Variants in MAP1LC3A observed in about 807,000 individuals in gnomAD.
MAP1LC3A encodes the protein microtubule associated protein 1 light chain 3 alpha, also known as microtubule-associated protein 1 light chain 3 alpha.
A neutral mutation model predicts 15.2 loss-of-function variants in MAP1LC3A; 10 were observed. That is an observed-to-expected ratio of 0.66 (90% CI 0.41 to 1.12). MAP1LC3A has a LOEUF of 1.12. Ranked by LOEUF, MAP1LC3A falls within the 50% of genes most tolerant of loss-of-function variation. The pLI is 0.00. For synonymous variants in MAP1LC3A, 63 were observed against 64.3 expected, an observed-to-expected ratio of 0.98 and a Z score of 0.10; for missense variants, 138 against 167.3, an observed-to-expected ratio of 0.82 and a Z score of 0.97.
chr20:34,551,932 A>T (rs1272211402), intron 2 of MAP1LC3A, among the ~76,000 whole-genome samples: 1 of 152,256 alleles, frequency 6.6e-6, no homozygotes, highest in African/African-American at 2.4e-5. Context: ...AAGTGAACAG[A>T]TGTCTGCAAC....
chr20:34,547,178 T>C (rs896953859), intron 1 of MAP1LC3A, among the ~76,000 whole-genome samples: 1 of 152,046 alleles, frequency 6.6e-6, no homozygotes, highest in East Asian at 1.9e-4. Flanking sequence ...GCGGGGAGTT[T>C]GACGGGTTCG....
rs1485117637 is a variant in MAP1LC3A at position 34,559,753 on chromosome 20, A to G, written c.221A>G (p.Asn74Ser). 3.1e-6 allele frequency: 5 copies of G among 1,609,000 alleles called. No homozygotes were observed. Among genetic ancestry groups the G allele is most frequent in the Non-Finnish European group, 3.4e-6 (4 of 1,178,770 alleles). The change falls in exon 4 of 4, where the codon AAC becomes AGC. Residue 74 changes from asparagine to serine, a missense_variant. Physicochemically the swap from Asn to Ser is conservative, Grantham distance 46. Transcript: ENST00000360668. The stretch of plus-strand genomic sequence containing the variant: ...GGCTGCAGGCGCCGCCTGCAGCTGA[A>G]CCCCACGCAGGCCTTCTTCCTGCTG... Reference protein sequence around the residue: ...VKIIRRRLQLNPTQAFFLLVN... With the variant: ...VKIIRRRLQLSPTQAFFLLVN...
upstream of MAP1LC3A, chr20:34,558,663 A>C: frequency 8.1e-7 from 1 of 1,234,712 alleles, no homozygotes. The surrounding 1 kb of genome is among the most constrained non-coding windows in gnomAD (Gnocchi z 4.3). Context: ...GCGTCGGCCC[A>C]ATGGGAGCGG....
chr20:34,555,692 C>T (rs980262487), upstream of MAP1LC3A, among the ~76,000 whole-genome samples: 1 of 151,412 alleles, frequency 6.6e-6, no homozygotes, highest in Non-Finnish European at 1.5e-5. Flanking sequence ...TATTTTGTCA[C>T]CGAGGCTGGA....
chr20:34,558,079 C>T, upstream of MAP1LC3A: 1 of 985,506 alleles, frequency 1.0e-6, no homozygotes, highest in South Asian at 4.7e-5. This position sits in a 1 kb window ranked among gnomAD's most constrained non-coding sequence, Gnocchi z 4.3. Flanking sequence ...GCGAGTTCTC[C>T]TGGCGTTGCC....
chr20:34,559,526 G>A, intron 3 of MAP1LC3A, 73 bp downstream of exon 3: 1 of 1,428,206 alleles, frequency 7.0e-7, no homozygotes, highest in South Asian at 1.2e-5. Flanking sequence ...GAAGGGGTGG[G>A]AGTGGGGTCA....
In MAP1LC3A at chr20:34,559,753, AC is replaced by A. The variant is rs1172317039; in HGVS notation, c.225del (p.Thr76ArgfsTer8). ...GGCTGCAGGCGCCGCCTGCAGCTGA[AC>A]CCCACGCAGGCCTTCTTCCTGCTGG... ...VKIIRRRLQL[N>X]PTQAFFLLVN... On this transcript the variant is annotated frameshift_variant, in exon 4 of 4. Transcript: ENST00000360668. LOFTEE classifies it high-confidence loss of function. 1 of 1,608,882 alleles carries A rather than the reference AC, an allele frequency of 6.2e-7. No individual in the cohort carries two copies. Among genetic ancestry groups the A allele is most frequent in the African/African-American group, 1.3e-5 (1 of 74,502 alleles).
In MAP1LC3A at chr20:34,559,282, G is replaced by GC. The variant is rs1600573831; in HGVS notation, c.96+22dup. 1.3e-5 allele frequency: 21 copies of GC among 1,564,476 alleles called. No homozygotes were observed. The Admixed American group carries it at 1.6e-4, about 12-fold the overall frequency. On this transcript the variant is annotated intron_variant, in intron 2 of 3. Transcript: ENST00000360668. The stretch of plus-strand genomic sequence containing the variant: ...AATCCCGGTGAGTCCCGCACCCCCA[G>GC]CCCTGCCCCGCCCCCGCCTCGCGCG...
chr20:34,551,945 ACT>A (rs1981965322), intron 2 of MAP1LC3A, among the ~76,000 whole-genome samples: 2 of 152,190 alleles, frequency 1.3e-5, no homozygotes, highest in African/African-American at 4.8e-5. Flanking sequence ...TCTGCAACTT[ACT>A]CTGAAATTCA....
In MAP1LC3A at chr20:34,560,161, C is replaced by T. The variant is rs1030517454; in HGVS notation, c.*263C>T. ...CCAGCACCCCTGCTGTGTGGTTCAT[C>T]TTTTTTTTAGGCCCCTGCCTGTCTG... On this transcript the variant is annotated 3_prime_UTR_variant, in exon 4 of 4. Coordinates refer to ENST00000360668, the MANE Select transcript of MAP1LC3A (RefSeq NM_032514.4). 2.8e-6 allele frequency: 1 copy of T among 361,644 alleles called. No homozygotes were observed. The highest frequency in any genetic ancestry group is 2.2e-5 in the African/African-American group (1 of 44,938). 22.4% of individuals were successfully genotyped at this position (361,644 alleles called of 1,614,324 possible). A position where few individuals can be genotyped will look rare whatever the true frequency, so the allele number is the denominator to read the frequency against.
intron 1 of MAP1LC3A, 121 bp downstream of exon 1, chr20:34,559,029 T>C (rs1237589003): frequency 7.5e-7 from 1 of 1,334,826 alleles, no homozygotes; most frequent in Admixed American, 4.1e-5. Flanking sequence ...TGGGACCAGC[T>C]CCGGCCTGGG....
chr20:34,547,546 C>T (rs549704251), intron 1 of MAP1LC3A, among the ~76,000 whole-genome samples: 2 of 151,688 alleles, frequency 1.3e-5, no homozygotes, highest in South Asian at 4.2e-4. Context: ...CAAGGGAGAG[C>T]CCAGGTGGAG....
Position 34,560,003 on chromosome 20 carries a change from G to T in MAP1LC3A, c.*105G>T. 10 of 1,275,144 alleles carry T rather than the reference G, an allele frequency of 7.8e-6. No homozygotes were observed. The highest frequency in any genetic ancestry group is 1.1e-5 in the Non-Finnish European group (10 of 931,734). The allele number at this position is 1,275,144 out of a possible 1,614,324, so 79.0% of individuals were successfully genotyped here. ...GAGCTGCCTCTACCGTGGTGGGCTGGGCAGGCATGTGCCCCCCTAGTCAGA... is the reference window on the plus strand; with the variant it reads ...GAGCTGCCTCTACCGTGGTGGGCTGTGCAGGCATGTGCCCCCCTAGTCAGA... On this transcript the variant is annotated 3_prime_UTR_variant, in exon 4 of 4. Coordinates refer to ENST00000360668, the MANE Select transcript of MAP1LC3A (RefSeq NM_032514.4).
upstream of MAP1LC3A, among the ~76,000 whole-genome samples, chr20:34,555,144 C>CT (rs201229933): frequency 2.6e-3 from 372 of 141,544 alleles, 6 homozygotes; most frequent in Middle Eastern, 3.6e-3. Context: ...AGCGAATTTT[C>CT]TTATTTTTTT....
At chr20:34,554,306 C>T, upstream of MAP1LC3A, among the ~76,000 whole-genome samples, 1 of 148,990 alleles carries the variant, frequency 6.7e-6, no homozygotes, top group South Asian at 2.1e-4. Context: ...CATGTTTTAC[C>T]ACATAGTATA....
intron 2 of MAP1LC3A, among the ~76,000 whole-genome samples, chr20:34,550,521 G>A (rs1981909846): frequency 6.6e-6 from 1 of 152,184 alleles, no homozygotes; most frequent in South Asian, 2.1e-4. Flanking sequence ...TGCCCTTCAA[G>A]GGCTTGCACT....
chr20:34,558,445 G>A (rs539578072), upstream of MAP1LC3A: 33 of 999,250 alleles, frequency 3.3e-5, no homozygotes, highest in East Asian at 1.0e-4. The surrounding 1 kb of genome is among the most constrained non-coding windows in gnomAD (Gnocchi z 4.3). Flanking sequence ...GTGCCGTGGG[G>A]CTGCAGCCTG....
upstream of MAP1LC3A, among the ~76,000 whole-genome samples, chr20:34,556,426 ACTGT>A (rs1350125742): frequency 1.3e-5 from 2 of 152,086 alleles, no homozygotes; most frequent in Non-Finnish European, 2.9e-5. Context: ...TAAAAAACTA[ACTGT>A]CAGGTTTTCT....
chr20:34,558,628 T>C (rs1982253062), upstream of MAP1LC3A: 3 of 1,221,314 alleles, frequency 2.5e-6, no homozygotes, highest in Non-Finnish European at 3.1e-6. This position sits in a 1 kb window ranked among gnomAD's most constrained non-coding sequence, Gnocchi z 4.3. Context: ...CGCCGTGACG[T>C]CACGGGTCCG....
Sources: allele counts gnomAD v4.1 joint callset (sites outside exome capture counted in the v4.1 genomes callset), GRCh38; gene constraint gnomAD v4.1.1; non-coding constraint Gnocchi (gnomAD v3.1); transcripts MANE v1.5; gene names NCBI Gene and HGNC (gene_info 2026-07-23, HGNC 2026-07-21).